RUFY2: variants seen among roughly 807,000 people sequenced by gnomAD.
RUFY2 encodes RUN and FYVE domain-containing protein 2.
A neutral mutation model predicts 94.4 loss-of-function variants in RUFY2; 49 were observed. That is an observed-to-expected ratio of 0.52 (90% CI 0.41 to 0.66). The LOEUF (loss-of-function observed/expected upper bound fraction) is 0.66, where lower values mean the gene tolerates loss of function less well. Among genes scored for constraint, RUFY2 ranks in the 30% least tolerant of loss-of-function variants. The probability of loss-of-function intolerance (pLI) is 0.00; values close to 1 mark genes in which losing one functional copy is unlikely to be tolerated. For missense variants in RUFY2, 541 were observed against 692.8 expected (o/e 0.78, Z 2.46); for synonymous variants, 255 against 235.7 (o/e 1.08, Z -0.75).
chr10:68,370,172 C>A (rs1413385189), intron 13 of RUFY2, among the ~76,000 whole-genome samples: 3 of 151,976 alleles, frequency 2.0e-5, no homozygotes, highest in African/African-American at 7.2e-5. Context: ...GTAATCCCAG[C>A]TACTAAAGAG....
intron 7 of RUFY2, among the ~76,000 whole-genome samples, chr10:68,388,176 C>T (rs2049665929): frequency 6.6e-6 from 1 of 151,090 alleles, no homozygotes. Context: ...GAATAATAGG[C>T]GAATTCAGGC....
In RUFY2 at chr10:68,364,004, G is replaced by A; in HGVS notation, c.1435C>T (p.Gln479Ter). The A allele has an allele frequency of 6.2e-7, 1 of 1,601,350 alleles. No individual in the cohort carries two copies. The highest frequency in any genetic ancestry group is 8.5e-7 in the Non-Finnish European group (1 of 1,169,888). ...ALSHLRNETQQIISLKKEFLN... is the reference protein window; with the variant it reads ...ALSHLRNETQ Reference sequence around the variant, plus strand: ...TTTACTTTTTTAAGACTAATGATTTGTTGAGTCTCATTTCTAAGATGAGAT... The same window carrying A: ...TTTACTTTTTTAAGACTAATGATTTATTGAGTCTCATTTCTAAGATGAGAT... Residue 479 changes from glutamine (Q) to a stop codon, truncating the protein, a stop_gained, in exon 14 of 18, where the codon CAA becomes TAA. Coordinates refer to ENST00000602465, the MANE Select transcript of RUFY2 (RefSeq NM_001330103.2). LOFTEE classifies it high-confidence loss of function.
chr10:68,363,501 T>C (rs1315153709), intron 15 of RUFY2, 89 bp downstream of exon 15: 1 of 832,670 alleles, frequency 1.2e-6, no homozygotes, highest in Non-Finnish European at 1.8e-6. Flanking sequence ...TTTCCTATAT[T>C]TAAACTCTTC....
intron 4 of RUFY2, among the ~76,000 whole-genome samples, chr10:68,395,705 T>A (rs2050343995): frequency 6.6e-6 from 1 of 152,246 alleles, no homozygotes; most frequent in Non-Finnish European, 1.5e-5. Flanking sequence ...GTTATCACTG[T>A]CTCATGCCTT....
chr10:68,341,274 C>G, downstream of RUFY2: 1 of 1,604,776 alleles, frequency 6.2e-7, no homozygotes, highest in Non-Finnish European at 8.5e-7. Flanking sequence ...CATGAAGATG[C>G]AGTAGCTGCC....
chr10:68,372,851 T>C (rs2048373102), intron 13 of RUFY2, among the ~76,000 whole-genome samples: 1 of 151,668 alleles, frequency 6.6e-6, no homozygotes. Context: ...AAGGCTGCAG[T>C]GAGCTGTGGT....
At chr10:68,364,921 T>TAA (rs143940020) in intron 13 of RUFY2, among the ~76,000 whole-genome samples, 4 of 144,946 alleles carry the variant, frequency 2.8e-5, no homozygotes, top group Non-Finnish European at 4.6e-5. Flanking sequence ...TTAAGTTGAC[T>TAA]AAAAAAAAAA....
At position 68,381,280 on chromosome 10, in the gene RUFY2, T is replaced by C. The variant is rs1340676698; in HGVS notation, c.1059A>G (p.Gln353=). Residue 353 remains glutamine (Q), a synonymous_variant, in exon 11 of 18, where the codon CAA becomes CAG. Transcript: ENST00000602465. ...TGTTAATTGCTTTAACTTCCTCTAG[T>C]TGTTGTCGAAGGCCTATCAGAGTAT... ...KQDTLIGLRQ[Q]LEEVKAINIE... 1.9e-6 allele frequency: 3 copies of C among 1,613,736 alleles called. No homozygotes were observed. The highest frequency in any genetic ancestry group is 1.3e-5 in the African/African-American group (1 of 74,912).
In RUFY2 at chr10:68,376,724, TTAAAG is replaced by T. The variant is rs893908151; in HGVS notation, c.1325+124_1325+128del. ...TATATTTTCTAAATTTTTTTGTTTT[TTAAAG>T]TAAACACTAAAAGCTAACTGGCATC... is the stretch of plus-strand genomic sequence containing the variant. On this transcript the variant is annotated intron_variant, in intron 13 of 17. Transcript: ENST00000602465. 5.3e-6 allele frequency: 5 copies of T among 936,172 alleles called. No homozygotes were observed. The African/African-American group carries it at 8.4e-5, about 16-fold the overall frequency. 58.0% of individuals were successfully genotyped at this position (936,172 alleles called of 1,614,324 possible). A position where few individuals can be genotyped will look rare whatever the true frequency, so the allele number is the denominator to read the frequency against.
At position 68,384,114 on chromosome 10, in the gene RUFY2, T is replaced by C. The variant is rs964905958; in HGVS notation, c.759A>G (p.Glu253=). The C allele has an allele frequency of 5.6e-6, 9 of 1,611,454 alleles. No homozygotes were observed. Among genetic ancestry groups the C allele is most frequent in the Non-Finnish European group, 7.6e-6 (9 of 1,179,784 alleles). Residue 253 remains glutamate, a synonymous_variant, in exon 9 of 18, where the codon GAA becomes GAG. Coordinates refer to ENST00000602465, the MANE Select transcript of RUFY2 (RefSeq NM_001330103.2). Reference sequence around the variant, plus strand: ...TTTCACTTCGTAATTGATGATTTTCTTCCTGGAGTTTAATGATGTTATTCT... The same window carrying C: ...TTTCACTTCGTAATTGATGATTTTCCTCCTGGAGTTTAATGATGTTATTCT... The part of the protein sequence containing the change: ...IAKNNIIKLQ[E]ENHQLRSENK...
At chr10:68,349,517 TAAAAAAATTTTTTTTTAAAGAA>T (rs1206263935) in intron 16 of RUFY2, among the ~76,000 whole-genome samples, 4 of 151,792 alleles carry the variant, frequency 2.6e-5, no homozygotes, top group East Asian at 1.9e-4. Context: ...ACACTGTCTC[TAAAAAAATTTTTTTTTAAAGAA>T]AAAAAAATTT....
chr10:68,347,366 C>T (rs1391131430), intron 16 of RUFY2, among the ~76,000 whole-genome samples: 1 of 149,690 alleles, frequency 6.7e-6, no homozygotes, highest in Non-Finnish European at 1.5e-5. Flanking sequence ...CTCACCGCAA[C>T]CTCCGTCTCC....
chr10:68,367,717 T>G (rs1218241649), intron 13 of RUFY2, among the ~76,000 whole-genome samples: 1 of 148,772 alleles, frequency 6.7e-6, no homozygotes, highest in Non-Finnish European at 1.5e-5. Context: ...TCTCTATCTC[T>G]CTCCCTCCCT....
rs755148279 is a variant in RUFY2, at chr10:68,401,737, A to T, written c.179T>A (p.Val60Glu). The change falls in exon 3 of 18, where the codon GTA (valine) becomes GAA (glutamate). Residue 60 changes from valine to glutamate, a missense_variant and splice_region_variant. Physicochemically the swap from Val to Glu is moderately radical, Grantham distance 121 (BLOSUM62 -2). Around this residue, in one of 3 missense-constraint regions of RUFY2, gnomAD observed 85 missense variants for 153.4 expected, o/e 0.55. Coordinates refer to ENST00000602465, the MANE Select transcript of RUFY2 (RefSeq NM_001330103.2). ...MEHCLKHGLK[V>E]RKSFLSYNKT... ...GTTGTAACTCAAAAATGATTTTCTT[A>T]CTGAAAAAAAGAACACATAATGCAC... The T allele has an allele frequency of 6.3e-7, 1 of 1,586,842 alleles. No individual in the cohort carries two copies. The highest frequency in any genetic ancestry group is 1.1e-5 in the South Asian group (1 of 90,452).
intron 13 of RUFY2, among the ~76,000 whole-genome samples, chr10:68,375,269 T>C (rs758884855): frequency 6.3e-4 from 77 of 122,966 alleles, no homozygotes; most frequent in Non-Finnish European, 9.9e-4. Context: ...GATAAGAACT[T>C]ACGAACACAG....
At position 68,407,099 on chromosome 10, in the gene RUFY2, C is replaced by G. The variant is rs866061293; in HGVS notation, c.4+87G>C. 4.0e-6 allele frequency: 6 copies of G among 1,513,758 alleles called. 1 individual carries two copies. In the Middle Eastern group the frequency reaches 5.5e-4, roughly 140 times the overall value. 93.8% of individuals were successfully genotyped at this position (1,513,758 alleles called of 1,614,324 possible). On this transcript the variant is annotated intron_variant, in intron 1 of 17. Coordinates refer to ENST00000602465, the MANE Select transcript of RUFY2 (RefSeq NM_001330103.2). ...GTTCCGACTGGCGGCCTCGGCGTCT[C>G]CCCCAGCTCCCAGTCCACCCCGCCT... is the stretch of plus-strand genomic sequence containing the variant.
chr10:68,341,659 G>A, downstream of RUFY2: 1 of 1,613,212 alleles, frequency 6.2e-7, no homozygotes, highest in Non-Finnish European at 8.5e-7. Context: ...TGGAATGGGA[G>A]GCTACGGAAG....
intron 13 of RUFY2, among the ~76,000 whole-genome samples, chr10:68,375,828 T>A (rs889363536): frequency 3.3e-5 from 5 of 150,664 alleles, no homozygotes; most frequent in Middle Eastern, 3.6e-3. Flanking sequence ...CCAGGCACAG[T>A]GGCTCACGCC....
intron 12 of RUFY2, among the ~76,000 whole-genome samples, chr10:68,378,933 C>T (rs1193401487): frequency 6.6e-6 from 1 of 151,976 alleles, no homozygotes; most frequent in African/African-American, 2.4e-5. Flanking sequence ...TGAAAAATGC[C>T]AATATAAAAC....
Sources: gnomAD v4.1 joint callset for allele counts (sites outside exome capture counted in the v4.1 genomes callset) on GRCh38, gnomAD v4.1.1 for gene constraint, gnomAD v4.1.1 regional missense constraint, MANE v1.5 for transcripts, NCBI Gene and HGNC (gene_info 2026-07-23, HGNC 2026-07-21) for gene names.